SH3BP4: variants seen among roughly 807,000 people sequenced by gnomAD.
SH3BP4 encodes SH3 domain-binding protein 4.
In SH3BP4, 33 loss-of-function variants were observed where a neutral mutation model predicts 65.5. That is an observed-to-expected ratio of 0.50 (90% CI 0.38 to 0.67). The LOEUF (loss-of-function observed/expected upper bound fraction) is 0.67. Among genes scored for constraint, SH3BP4 ranks in the 30% least tolerant of loss-of-function variants. The pLI, the probability that SH3BP4 is intolerant of heterozygous loss-of-function variation, is 0.00. For missense variants in SH3BP4, 1,134 were observed against 1,261.4 expected, an observed-to-expected ratio of 0.90 and a Z score of 1.53; for synonymous variants, 552 against 545.5, an observed-to-expected ratio of 1.01 and a Z score of -0.17.
chr2:235,041,427 C>G lies in SH3BP4; in HGVS notation c.658C>G (p.Leu220Val). Reference sequence around the variant, plus strand: ...TAGCACTGGCAACATCTTCGATGAGCTTCCAGTCACAAACGGACTCCACGC... The same window carrying G: ...TAGCACTGGCAACATCTTCGATGAGGTTCCAGTCACAAACGGACTCCACGC... The part of the protein sequence containing the change: ...TNSTGNIFDE[L>V]PVTNGLHAEP... The change falls in exon 4 of 6, where the codon CTT becomes GTT. Residue 220 changes from leucine to valine, a missense_variant. Transcript: ENST00000392011. The surrounding 1 kb of genome is among the most constrained non-coding windows in gnomAD (Gnocchi z 6.0). The G allele has an allele frequency of 6.2e-7, 1 of 1,614,194 alleles. No homozygotes were observed. The highest frequency in any genetic ancestry group is 8.5e-7 in the Non-Finnish European group (1 of 1,180,036).
At position 235,053,828 on chromosome 2, in the gene SH3BP4, C is replaced by G. The variant is rs1465508906; in HGVS notation, c.*12C>G. The G allele has an allele frequency of 6.2e-7, 1 of 1,601,032 alleles. No individual in the cohort carries two copies. Among genetic ancestry groups the G allele is most frequent in the African/African-American group, 1.3e-5 (1 of 74,662 alleles). On this transcript the variant is annotated 3_prime_UTR_variant, in exon 6 of 6. Coordinates refer to ENST00000392011, the MANE Select transcript of SH3BP4 (RefSeq NM_014521.3). Reference sequence around the variant, plus strand: ...ACTTCGTGATTTGAATGGGTCCCCTCCCCTCCTGCTGCTCTGGAGTGCAAG... The same window carrying G: ...ACTTCGTGATTTGAATGGGTCCCCTGCCCTCCTGCTGCTCTGGAGTGCAAG...
At chr2:235,032,907 G>A (rs999869578) in intron 2 of SH3BP4, among the ~76,000 whole-genome samples, 3 of 152,210 alleles carry the variant, frequency 2.0e-5, no homozygotes, top group East Asian at 1.9e-4. Flanking sequence ...AGACCTGACC[G>A]TCGTAACTTC....
intron 1 of SH3BP4, among the ~76,000 whole-genome samples, chr2:234,975,641 T>G (rs1693145786): frequency 2.0e-5 from 3 of 152,156 alleles, no homozygotes; most frequent in African/African-American, 2.4e-5. Flanking sequence ...TTCAGGAGAC[T>G]GAAACAGGAG....
intron 1 of SH3BP4, among the ~76,000 whole-genome samples, chr2:234,985,817 G>A (rs1693535939): frequency 6.6e-6 from 1 of 151,822 alleles, no homozygotes; most frequent in Admixed American, 6.6e-5. Flanking sequence ...ACACGCCTAC[G>A]AGCTCAAGGA....
In SH3BP4 at chr2:234,991,892, G is replaced by T. The variant is rs1054070927; in HGVS notation, c.-206-3411G>T. 6.6e-6 allele frequency among the ~76,000 whole-genome samples: 1 copy of T among 152,228 alleles called. No homozygotes were observed. The highest frequency in any genetic ancestry group is 2.4e-5 in the African/African-American group (1 of 41,458). The stretch of plus-strand genomic sequence containing the variant: ...TGCACCTGTCCCTGCCCAGGGTCCA[G>T]TTCTGGCGTCTCTGAGCCCCCTGTC... On this transcript the variant is annotated intron_variant, in intron 1 of 5. Coordinates refer to ENST00000392011, the MANE Select transcript of SH3BP4 (RefSeq NM_014521.3). The surrounding 1 kb of genome is among the most constrained non-coding windows in gnomAD (Gnocchi z 4.2).
intron 2 of SH3BP4, among the ~76,000 whole-genome samples, chr2:235,019,629 T>G (rs2106307576): frequency 6.6e-6 from 1 of 151,788 alleles, no homozygotes; most frequent in East Asian, 1.9e-4. Flanking sequence ...GGAGATGGGG[T>G]TTCACCATGT....
At chr2:235,048,705 T>A (rs985032638) in intron 4 of SH3BP4, among the ~76,000 whole-genome samples, 31 of 152,230 alleles carry the variant, frequency 2.0e-4, no homozygotes, top group African/African-American at 7.5e-4. Flanking sequence ...GTCAATGGCG[T>A]TTTGTTGGAA....
chr2:234,991,892 G>A lies in SH3BP4; in HGVS notation c.-206-3411G>A, dbSNP rs1054070927. Among the ~76,000 whole-genome samples, 3 of 152,228 alleles carry A rather than the reference G, an allele frequency of 2.0e-5. No individual in the cohort carries two copies. The highest frequency in any genetic ancestry group is 2.9e-5 in the Non-Finnish European group (2 of 68,036). On this transcript the variant is annotated intron_variant, in intron 1 of 5. Coordinates refer to ENST00000392011, the MANE Select transcript of SH3BP4 (RefSeq NM_014521.3). The surrounding 1 kb of genome is among the most constrained non-coding windows in gnomAD (Gnocchi z 4.2). ...TGCACCTGTCCCTGCCCAGGGTCCA[G>A]TTCTGGCGTCTCTGAGCCCCCTGTC...
chr2:234,996,054 C>A (rs1693905317), intron 2 of SH3BP4: 1 of 152,210 alleles, frequency 6.6e-6, no homozygotes, highest in Non-Finnish European at 1.5e-5. Context: ...AGAAGGAACA[C>A]CCTCCTTTGT....
intron 2 of SH3BP4, among the ~76,000 whole-genome samples, chr2:235,009,757 T>G (rs901148493): frequency 2.0e-5 from 3 of 152,122 alleles, no homozygotes; most frequent in Non-Finnish European, 4.4e-5. Context: ...ATGTGTTTGC[T>G]CCTCACGTGG....
At chr2:234,965,672 T>C (rs1240157323) in intron 1 of SH3BP4, among the ~76,000 whole-genome samples, 1 of 152,168 alleles carries the variant, frequency 6.6e-6, no homozygotes, top group African/African-American at 2.4e-5. Context: ...GGGAGTGGGA[T>C]CGTTATTCTG....
chr2:234,987,709 C>A (rs553842055), intron 1 of SH3BP4, among the ~76,000 whole-genome samples: 1 of 152,302 alleles, frequency 6.6e-6, no homozygotes, highest in South Asian at 2.1e-4. Context: ...GGATTAAAAC[C>A]TTCACCCCCC....
At chr2:234,954,019 C>G (rs1275311701) in intron 1 of SH3BP4, among the ~76,000 whole-genome samples, 1 of 151,832 alleles carries the variant, frequency 6.6e-6, no homozygotes, top group African/African-American at 2.4e-5. Context: ...ATGCCCGGGC[C>G]GTGCTTATCC....
At position 234,976,841 on chromosome 2, in the gene SH3BP4, G is replaced by T. The variant is rs1266049909; in HGVS notation, c.-206-18462G>T. 6.6e-6 allele frequency among the ~76,000 whole-genome samples: 1 copy of T among 152,176 alleles called. No individual in the cohort carries two copies. The highest frequency in any genetic ancestry group is 6.5e-5 in the Admixed American group (1 of 15,284). On this transcript the variant is annotated intron_variant, in intron 1 of 5. Coordinates refer to ENST00000392011, the MANE Select transcript of SH3BP4 (RefSeq NM_014521.3). This position sits in a 1 kb window ranked among gnomAD's most constrained non-coding sequence, Gnocchi z 4.7. Reference sequence around the variant, plus strand: ...CAAAACACACAATGTCTGGGGAGATGCCCTAGCCAAGAGGAGCTTAAAGAG... The same window carrying T: ...CAAAACACACAATGTCTGGGGAGATTCCCTAGCCAAGAGGAGCTTAAAGAG...
At chr2:234,979,393 A>T (rs1029877963) in intron 1 of SH3BP4, 3 of 152,116 alleles carry the variant, frequency 2.0e-5, no homozygotes, top group Non-Finnish European at 2.9e-5. Context: ...GTTTTATCAC[A>T]TGGGGTTGTG....
chr2:234,966,405 G>A (rs562263719), intron 1 of SH3BP4, among the ~76,000 whole-genome samples: 1 of 152,260 alleles, frequency 6.6e-6, no homozygotes, highest in African/African-American at 2.4e-5. Context: ...AGGAAGGGAG[G>A]TGGTGGCTAA....
chr2:234,982,915 CAAT>C (rs1693431453), intron 1 of SH3BP4, among the ~76,000 whole-genome samples: 1 of 152,112 alleles, frequency 6.6e-6, no homozygotes, highest in South Asian at 2.1e-4. Context: ...GGGGATAATA[CAAT>C]GATGATGAGG....
chr2:234,984,626 G>A (rs972396692), intron 1 of SH3BP4, among the ~76,000 whole-genome samples: 1 of 152,100 alleles, frequency 6.6e-6, no homozygotes, highest in African/African-American at 2.4e-5. Flanking sequence ...CTAACAATCC[G>A]TAACAGCCCA....
intron 1 of SH3BP4, among the ~76,000 whole-genome samples, chr2:234,956,015 C>T (rs1692578957): frequency 6.6e-6 from 1 of 152,180 alleles, no homozygotes; most frequent in South Asian, 2.1e-4. Context: ...CACATTGGAG[C>T]CTGAAGATAC....
Sources: allele counts gnomAD v4.1 joint callset (sites outside exome capture counted in the v4.1 genomes callset), GRCh38; gene constraint gnomAD v4.1.1; non-coding constraint Gnocchi (gnomAD v3.1); transcripts MANE v1.5; gene names NCBI Gene and HGNC (gene_info 2026-07-23, HGNC 2026-07-21).